GPR149: variants seen among roughly 807,000 people sequenced by gnomAD.
GPR149 encodes G protein-coupled receptor 149.
GPR149 carries 50 observed loss-of-function variants against 50.2 expected under a neutral mutation model. The observed-to-expected ratio is 1.00, with a 90% CI of 0.79 to 1.26. GPR149 has a LOEUF of 1.26. Among genes scored for constraint, GPR149 ranks in the 50% most tolerant of loss-of-function variants. The probability of loss-of-function intolerance (pLI) is 0.00; values close to 1 mark genes in which losing one functional copy is unlikely to be tolerated. For missense variants in GPR149, 983 were observed against 895.4 expected, an observed-to-expected ratio of 1.10 and a Z score of -1.25; for synonymous variants, 405 against 358.2, an observed-to-expected ratio of 1.13 and a Z score of -1.48.
chr3:154,369,578 C>A (rs889215795), intron 3 of GPR149, among the ~76,000 whole-genome samples: 1 of 152,206 alleles, frequency 6.6e-6, no homozygotes, highest in East Asian at 1.9e-4. Context: ...GGAAAGAGAA[C>A]GTAAACTCCG....
intron 3 of GPR149, among the ~76,000 whole-genome samples, chr3:154,374,115 A>G (rs1164191712): frequency 6.6e-6 from 1 of 151,378 alleles, no homozygotes; most frequent in African/African-American, 2.4e-5. Flanking sequence ...ATCTGAAGTG[A>G]CCAACAAAAG....
In GPR149 at chr3:154,429,534, G is replaced by C. The variant is rs750323053; in HGVS notation, c.82C>G (p.Pro28Ala). 2 of 1,614,018 alleles carry C rather than the reference G, an allele frequency of 1.2e-6. No homozygotes were observed. The highest frequency in any genetic ancestry group is 2.7e-5 in the African/African-American group (2 of 74,928). Residue 28 changes from proline to alanine, a missense_variant, in exon 1 of 4, where the codon CCG becomes GCG. Transcript: ENST00000389740. The stretch of plus-strand genomic sequence containing the variant: ...AGATAGATATTCAGGGTTCCTGGCG[G>C]ATTTAAAAGGTCCGTAGAATTATGA... ...ENHNSTDLLN[P>A]PGTLNIYLFC...
chr3:154,414,425 A>T (rs1277261406), intron 3 of GPR149, among the ~76,000 whole-genome samples: 1 of 152,082 alleles, frequency 6.6e-6, no homozygotes, highest in Non-Finnish European at 1.5e-5. Context: ...GAAGAATCGT[A>T]GAAATAGAAA....
intron 3 of GPR149, among the ~76,000 whole-genome samples, chr3:154,385,452 CCTTGT>C (rs1344269005): frequency 4.6e-5 from 7 of 152,106 alleles, no homozygotes; most frequent in African/African-American, 1.7e-4. Context: ...TGAATTACTG[CCTTGT>C]CTTCTGGGGA....
chr3:154,385,704 C>T (rs1432516168), intron 3 of GPR149, among the ~76,000 whole-genome samples: 2 of 136,160 alleles, frequency 1.5e-5, no homozygotes, highest in Non-Finnish European at 1.6e-5. Context: ...TTCTTTCTTT[C>T]TTTTTTTTTT....
At chr3:154,371,954 G>A (rs1403855875) in intron 3 of GPR149, among the ~76,000 whole-genome samples, 1 of 151,706 alleles carries the variant, frequency 6.6e-6, no homozygotes, top group Non-Finnish European at 1.5e-5. Context: ...CCTCAAATGA[G>A]CTCAACTCAC....
intron 3 of GPR149, among the ~76,000 whole-genome samples, chr3:154,350,032 C>A (rs2108388320): frequency 6.6e-6 from 1 of 151,774 alleles, no homozygotes; most frequent in African/African-American, 2.4e-5. Flanking sequence ...TCTATCTGTA[C>A]AAAAAATAAA....
At position 154,429,379 on chromosome 3, in the gene GPR149, G is replaced by C. The variant is rs1461872629; in HGVS notation, c.237C>G (p.Leu79=). 2 of 1,614,070 alleles carry C rather than the reference G, an allele frequency of 1.2e-6. No individual in the cohort carries two copies. The highest frequency in any genetic ancestry group is 1.7e-6 in the Non-Finnish European group (2 of 1,180,040). Residue 79 remains leucine (L), a synonymous_variant, in exon 1 of 4, where the codon CTC becomes CTG. Transcript: ENST00000389740. ...MLVASWSVDD[L]MSVLSVTIFM... ...AGATGGTCACCGACAGGACGCTCAT[G>C]AGATCATCCACAGACCAGGAAGCCA... is the stretch of plus-strand genomic sequence containing the variant.
intron 3 of GPR149, among the ~76,000 whole-genome samples, chr3:154,377,534 T>C (rs1413968083): frequency 6.6e-6 from 1 of 151,878 alleles, no homozygotes; most frequent in Non-Finnish European, 1.5e-5. Flanking sequence ...GCCTAGCTAA[T>C]TTTTGTATTT....
intron 3 of GPR149, among the ~76,000 whole-genome samples, chr3:154,382,432 A>C (rs1714948430): frequency 6.6e-6 from 1 of 152,238 alleles, no homozygotes; most frequent in South Asian, 2.1e-4. Context: ...TAAGTATAGA[A>C]GTATGAACAC....
At chr3:154,398,266 G>T (rs1326339856) in intron 3 of GPR149, among the ~76,000 whole-genome samples, 1 of 152,152 alleles carries the variant, frequency 6.6e-6, no homozygotes, top group Non-Finnish European at 1.5e-5. Context: ...ACACTGCTAA[G>T]TACTACACAA....
intron 3 of GPR149, among the ~76,000 whole-genome samples, chr3:154,372,961 A>T (rs931147941): frequency 2.6e-5 from 4 of 152,178 alleles, no homozygotes; most frequent in Non-Finnish European, 5.9e-5. Context: ...AATTGAGGTG[A>T]AATTGGATGT....
intron 3 of GPR149, among the ~76,000 whole-genome samples, chr3:154,411,481 A>T (rs1711831380): frequency 6.6e-6 from 1 of 152,160 alleles, no homozygotes; most frequent in African/African-American, 2.4e-5. Context: ...AAGAGAGAAG[A>T]TCCAAATAAG....
Position 154,337,756 on chromosome 3 carries a change from T to C in GPR149, c.2139A>G (p.Glu713=). ...TGTAAGCTTTATTTAACAACTGGAT[T>C]TCCTCCTGGTAGCCATCCCTCTCTT... ...QHQERDGYQE[E]IQLLNKAYRK... The change falls in exon 4 of 4, where the codon GAA becomes GAG. Residue 713 remains glutamate (E), a synonymous_variant. Coordinates refer to ENST00000389740, the MANE Select transcript of GPR149 (RefSeq NM_001038705.3). The C allele has an allele frequency of 1.9e-6, 3 of 1,612,782 alleles. No individual in the cohort carries two copies. The South Asian group carries it at 3.3e-5, about 18-fold the overall frequency.
At chr3:154,346,229 T>C (rs536063644) in intron 3 of GPR149, among the ~76,000 whole-genome samples, 1 of 152,292 alleles carries the variant, frequency 6.6e-6, no homozygotes, top group South Asian at 2.1e-4. Flanking sequence ...TTAGTAGAGA[T>C]AAGGACATTG....
chr3:154,366,417 T>C (rs1393428172), intron 3 of GPR149, among the ~76,000 whole-genome samples: 1 of 152,204 alleles, frequency 6.6e-6, no homozygotes, highest in Non-Finnish European at 1.5e-5. Flanking sequence ...CAAAGCTGCC[T>C]TTGGTGGGGG....
intron 3 of GPR149, among the ~76,000 whole-genome samples, chr3:154,387,580 G>A (rs2108410241): frequency 6.6e-6 from 1 of 152,250 alleles, no homozygotes; most frequent in East Asian, 1.9e-4. Flanking sequence ...TTTTGGTAGA[G>A]TATGAGTCAG....
At chr3:154,403,810 C>T (rs1433779137) in intron 3 of GPR149, among the ~76,000 whole-genome samples, 3 of 151,506 alleles carry the variant, frequency 2.0e-5, no homozygotes, top group Non-Finnish European at 4.4e-5. Flanking sequence ...GAGCTGCCAG[C>T]ATGTAAATAT....
At chr3:154,371,675 G>T (rs920116038) in intron 3 of GPR149, among the ~76,000 whole-genome samples, 7 of 152,138 alleles carry the variant, frequency 4.6e-5, no homozygotes, top group African/African-American at 1.7e-4. Flanking sequence ...CCTCTTCTTA[G>T]GAAAAGAATG....
Sources: allele counts gnomAD v4.1 joint callset (sites outside exome capture counted in the v4.1 genomes callset), GRCh38; gene constraint gnomAD v4.1.1; transcripts MANE v1.5; gene names NCBI Gene and HGNC (gene_info 2026-07-23, HGNC 2026-07-21).